CSMD1: variants seen among roughly 807,000 people sequenced by gnomAD.
The protein encoded by CSMD1 is CUB and Sushi multiple domains 1.
A neutral mutation model predicts 417.5 loss-of-function variants in CSMD1; 213 were observed. The ratio of observed to expected loss-of-function variants is 0.51; its 90% CI spans 0.46 to 0.57. The LOEUF is 0.57. Among genes scored for constraint, CSMD1 ranks in the 20% least tolerant of loss-of-function variants. CSMD1 has a pLI of 0.00. For synonymous variants in CSMD1, 2,862 were observed against 1,736.8 expected (o/e 1.65, Z -16.11); for missense variants, 6,923 against 4,529.7 (o/e 1.53, Z -15.17).
intron 3 of CSMD1, among the ~76,000 whole-genome samples, chr8:4,091,194 C>A (rs527622879): frequency 6.6e-6 from 1 of 152,016 alleles, no homozygotes; most frequent in East Asian, 1.9e-4. Flanking sequence ...GCTGGGATTA[C>A]GGGCTTGAAC....
At chr8:4,685,215 A>C (rs1806295389) in intron 1 of CSMD1, among the ~76,000 whole-genome samples, 1 of 152,226 alleles carries the variant, frequency 6.6e-6, no homozygotes, top group Non-Finnish European at 1.5e-5. Context: ...ATGGCCGTAA[A>C]CAAAGTGCTG....
chr8:4,791,781 C>G (rs1296397493), intron 1 of CSMD1, among the ~76,000 whole-genome samples: 1 of 152,168 alleles, frequency 6.6e-6, no homozygotes, highest in Non-Finnish European at 1.5e-5. Context: ...AAACATTTCA[C>G]TTTGAGATTC....
intron 1 of CSMD1, among the ~76,000 whole-genome samples, chr8:4,669,689 CTTGAACATT>C (rs1805170492): frequency 6.6e-6 from 1 of 152,116 alleles, no homozygotes; most frequent in African/African-American, 2.4e-5. Context: ...TTTTTGCTAA[CTTGAACATT>C]TCTGCTGTTT....
intron 1 of CSMD1, among the ~76,000 whole-genome samples, chr8:4,954,508 T>C (rs1808960460): frequency 6.6e-6 from 1 of 152,182 alleles, no homozygotes; most frequent in Non-Finnish European, 1.5e-5. Flanking sequence ...AATAGATGCA[T>C]TCCACCTCAA....
At chr8:4,801,871 G>A (rs1798304793) in intron 1 of CSMD1, among the ~76,000 whole-genome samples, 1 of 152,172 alleles carries the variant, frequency 6.6e-6, no homozygotes, top group Non-Finnish European at 1.5e-5. Flanking sequence ...GACTTGGCAA[G>A]CCCAATGTAT....
At position 4,482,887 on chromosome 8, in the gene CSMD1, G is replaced by A. The variant is rs569431168; in HGVS notation, c.303-62822C>T. 3.9e-4 allele frequency among the ~76,000 whole-genome samples: 60 copies of A among 152,068 alleles called. 4 individuals carry two copies. The South Asian group carries it at 0.011, about 29-fold the overall frequency. ...TTTTTAAGGAACTTCATAAAGTAGG[G>A]GCATGTATGTAAAATTTTCCAAATA... On this transcript the variant is annotated intron_variant, in intron 2 of 69. Coordinates refer to ENST00000635120, the MANE Select transcript of CSMD1 (RefSeq NM_033225.6).
chr8:4,355,811 G>C (rs76058755), intron 3 of CSMD1, among the ~76,000 whole-genome samples: 7,317 of 152,248 alleles, frequency 0.048, 538 homozygotes, highest in African/African-American at 0.15. Context: ...CTGCTGTTTG[G>C]AAGTGAAGAT....
At chr8:3,813,150 G>C (rs900571059) in intron 5 of CSMD1, among the ~76,000 whole-genome samples, 15 of 132,316 alleles carry the variant, frequency 1.1e-4, no homozygotes, top group African/African-American at 4.3e-4. Context: ...CACTGGCATT[G>C]TAACACAATT....
intron 3 of CSMD1, among the ~76,000 whole-genome samples, chr8:4,322,759 C>A (rs898524381): frequency 6.6e-6 from 1 of 152,178 alleles, no homozygotes; most frequent in African/African-American, 2.4e-5. Flanking sequence ...CTTTGGAAGG[C>A]AGAGGTAGGC....
chr8:4,372,871 G>A (rs566731781), intron 3 of CSMD1, among the ~76,000 whole-genome samples: 3 of 152,288 alleles, frequency 2.0e-5, no homozygotes, highest in South Asian at 2.1e-4. Flanking sequence ...TTATTTACAT[G>A]GAAATATAGC....
chr8:4,287,320 T>A (rs544453156), intron 3 of CSMD1, among the ~76,000 whole-genome samples: 3 of 152,316 alleles, frequency 2.0e-5, no homozygotes, highest in East Asian at 3.9e-4. Flanking sequence ...ATCAAGCACA[T>A]CTGGAGAAGT....
At chr8:3,768,250 C>T (rs112065708) in intron 5 of CSMD1, among the ~76,000 whole-genome samples, 71 of 152,240 alleles carry the variant, frequency 4.7e-4, no homozygotes, top group African/African-American at 1.7e-3. Flanking sequence ...AAGGCGGAGA[C>T]GTATTCCCGG....
chr8:4,267,111 T>C (rs1458114760), intron 3 of CSMD1, among the ~76,000 whole-genome samples: 4 of 103,738 alleles, frequency 3.9e-5, no homozygotes, highest in African/African-American at 1.0e-4. Context: ...TTGAAAGTGC[T>C]TTCTAATGCA....
intron 1 of CSMD1, among the ~76,000 whole-genome samples, chr8:4,792,596 T>C (rs1022466293): frequency 1.9e-4 from 29 of 152,190 alleles, no homozygotes; most frequent in African/African-American, 6.8e-4. Flanking sequence ...AAGAAACTGT[T>C]GAATAGAGTC....
chr8:4,973,045 G>C (rs571605208), intron 1 of CSMD1, among the ~76,000 whole-genome samples: 2 of 151,942 alleles, frequency 1.3e-5, no homozygotes, highest in Non-Finnish European at 2.9e-5. Context: ...TAGTAAAGAA[G>C]GTAAAATAAT....
intron 3 of CSMD1, among the ~76,000 whole-genome samples, chr8:4,350,696 A>C (rs1801040814): frequency 6.6e-6 from 1 of 152,216 alleles, no homozygotes; most frequent in Non-Finnish European, 1.5e-5. Flanking sequence ...ACTGATGTCA[A>C]GGTTGTCCAC....
At chr8:4,394,360 C>T (rs1241200524) in intron 3 of CSMD1, among the ~76,000 whole-genome samples, 1 of 152,120 alleles carries the variant, frequency 6.6e-6, no homozygotes, top group Non-Finnish European at 1.5e-5. Context: ...TTCTAAATGT[C>T]CTGTTTCCAT....
intron 1 of CSMD1, among the ~76,000 whole-genome samples, chr8:4,807,605 T>C (rs1231343936): frequency 6.6e-6 from 1 of 152,186 alleles, no homozygotes; most frequent in East Asian, 1.9e-4. Context: ...TTTACAGTAA[T>C]AGTAATGACA....
chr8:4,149,096 TG>T (rs1409227108), intron 3 of CSMD1, among the ~76,000 whole-genome samples: 5 of 152,076 alleles, frequency 3.3e-5, no homozygotes, highest in African/African-American at 1.2e-4. Flanking sequence ...CCCAAGTAGC[TG>T]GGATTACAGG....
Sources: allele counts gnomAD v4.1 joint callset (sites outside exome capture counted in the v4.1 genomes callset), GRCh38; gene constraint gnomAD v4.1.1; transcripts MANE v1.5; gene names NCBI Gene and HGNC (gene_info 2026-07-23, HGNC 2026-07-21).